Variants in NEO1 observed in about 807,000 individuals in gnomAD.
NEO1 encodes neogenin 1.
Under a neutral mutation model 159.7 loss-of-function variants are expected in NEO1, and 63 were observed. The observed-to-expected ratio is 0.39, with a 90% CI of 0.32 to 0.49. NEO1 has a LOEUF of 0.49. NEO1 is among the 20% of genes least tolerant of loss of function. The pLI is 0.85. For synonymous variants in NEO1, 633 were observed against 662.0 expected, an observed-to-expected ratio of 0.96 and a Z score of 0.67; for missense variants, 1,615 against 1,831.0, an observed-to-expected ratio of 0.88 and a Z score of 2.15.
chr15:73,202,328 T>G (rs1377297365), intron 7 of NEO1, among the ~76,000 whole-genome samples: 1 of 152,136 alleles, frequency 6.6e-6, no homozygotes, highest in Non-Finnish European at 1.5e-5. Context: ...TAAACTATAA[T>G]CACTAATACA....
chr15:73,127,014 G>A (rs2030352313), intron 4 of NEO1, among the ~76,000 whole-genome samples: 1 of 152,082 alleles, frequency 6.6e-6, no homozygotes, highest in Non-Finnish European at 1.5e-5. Flanking sequence ...GGCAGATCAC[G>A]AGGTCAGGAG....
In NEO1 at chr15:73,266,521, T is replaced by C. The variant is rs567029706; in HGVS notation, c.2494+110T>C. On this transcript the variant is annotated intron_variant, in intron 16 of 28. Coordinates refer to ENST00000261908, the MANE Select transcript of NEO1 (RefSeq NM_002499.4). ...TTAGGGAAGAAAAAGCATATGGCAGTTTCGGGTGCTGACTTCAAATGGGAA... is the reference window on the plus strand; with the variant it reads ...TTAGGGAAGAAAAAGCATATGGCAGCTTCGGGTGCTGACTTCAAATGGGAA... 8.0e-5 allele frequency: 54 copies of C among 677,280 alleles called. No individual in the cohort carries two copies. The African/African-American group carries it at 9.5e-4, about 12-fold the overall frequency. The allele number at this position is 677,280 out of a possible 1,614,324, so 42.0% of individuals were successfully genotyped here.
chr15:73,168,381 G>GA (rs1491174800), intron 5 of NEO1, among the ~76,000 whole-genome samples: 4 of 28,268 alleles, frequency 1.4e-4, no homozygotes, highest in Non-Finnish European at 2.9e-4. Context: ...ACGGGGGGTG[G>GA]GGGGGGGGGG....
In NEO1 at chr15:73,289,224, C is replaced by A. The variant is rs372650930; in HGVS notation, c.3728C>A (p.Ser1243Tyr). 1 of 1,614,040 alleles carries A rather than the reference C, an allele frequency of 6.2e-7. No individual in the cohort carries two copies. Among genetic ancestry groups the A allele is most frequent in the African/African-American group, 1.3e-5 (1 of 75,030 alleles). ...CCAAAAATGATGATGCCCTTTGACT[C>A]CCAGCCACCCCAGCGTAAGTAGAAG... ...MRPKMMMPFD[S>Y]QPPQPVISAH... The change falls in exon 25 of 29, where the codon TCC becomes TAC. Residue 1243 changes from serine to tyrosine, a missense_variant. Coordinates refer to ENST00000261908, the MANE Select transcript of NEO1 (RefSeq NM_002499.4).
At chr15:73,192,234 G>A (rs1246194167) in intron 7 of NEO1, among the ~76,000 whole-genome samples, 1 of 151,976 alleles carries the variant, frequency 6.6e-6, no homozygotes, top group African/African-American at 2.4e-5. Context: ...GCCTATGCGT[G>A]TGTGTTTTAC....
At position 73,262,515 on chromosome 15, in the gene NEO1, C is replaced by T. The variant is rs141975430; in HGVS notation, c.2398+2050C>T. Among the ~76,000 whole-genome samples the T allele has an allele frequency of 1.4e-3, 208 of 152,232 alleles. 1 individual carries two copies. The highest frequency in any genetic ancestry group is 4.5e-3 in the African/African-American group (189 of 41,548). ...AACCATATGAAAAGATGCTCGGCAA[C>T]ATTAATCATCAGAAAATGCAAATTA... is the stretch of plus-strand genomic sequence containing the variant. On this transcript the variant is annotated intron_variant, in intron 15 of 28. Transcript: ENST00000261908.
At chr15:73,284,836 C>T (rs1369042318) in intron 23 of NEO1, among the ~76,000 whole-genome samples, 1 of 152,104 alleles carries the variant, frequency 6.6e-6, no homozygotes. Flanking sequence ...GATCCGCCCG[C>T]CTCGGCTTCC....
intron 7 of NEO1, among the ~76,000 whole-genome samples, chr15:73,230,423 A>G (rs2038842882): frequency 6.6e-6 from 1 of 151,980 alleles, no homozygotes; most frequent in Non-Finnish European, 1.5e-5. Flanking sequence ...TGATTTGAGT[A>G]ACTTGTGTCT....
At chr15:73,144,104 G>A (rs1195488505) in intron 5 of NEO1, among the ~76,000 whole-genome samples, 1 of 152,116 alleles carries the variant, frequency 6.6e-6, no homozygotes, top group East Asian at 1.9e-4. Context: ...GTTTTCCTTT[G>A]CACTTTGTTT....
chr15:73,295,386 C>T (rs2042323618), intron 26 of NEO1, among the ~76,000 whole-genome samples: 1 of 151,728 alleles, frequency 6.6e-6, no homozygotes, highest in African/African-American at 2.4e-5. Context: ...ATCTCACATG[C>T]TAGGATGTGG....
rs547473196 is a variant in NEO1, at chr15:73,296,820, C to T, written c.3902-1528C>T. 2.0e-4 allele frequency among the ~76,000 whole-genome samples: 30 copies of T among 152,246 alleles called. 1 individual carries two copies. In the South Asian group the frequency reaches 6.0e-3, roughly 31 times the overall value. ...GGCTGGACTAAGGGATGAGGCACAT[C>T]CCCAGTGGAATGGCGTAAGATTTCA... On this transcript the variant is annotated intron_variant, in intron 26 of 28. Coordinates refer to ENST00000261908, the MANE Select transcript of NEO1 (RefSeq NM_002499.4).
In NEO1 at chr15:73,116,748, T is replaced by A. The variant is rs561531859; in HGVS notation, c.339T>A (p.Asn113Lys). 3.1e-6 allele frequency: 5 copies of A among 1,614,068 alleles called. No individual in the cohort carries two copies. In the South Asian group the frequency reaches 5.5e-5, roughly 18 times the overall value. Residue 113 changes from asparagine (N) to lysine (K), a missense_variant, in exon 2 of 29, where the codon AAT becomes AAA. Coordinates refer to ENST00000261908, the MANE Select transcript of NEO1 (RefSeq NM_002499.4). ...LLPDGSLFISNVVHSKHNKPD... is the reference protein window; with the variant it reads ...LLPDGSLFISKVVHSKHNKPD... ...CGGATGGATCTTTATTTATCAGCAA[T>A]GTGGTGCATTCCAAACACAATAAAC... is the stretch of plus-strand genomic sequence containing the variant.
chr15:73,302,530 A>C, intron 28 of NEO1, 83 bp from the exon 29 acceptor site: 1 of 1,281,204 alleles, frequency 7.8e-7, no homozygotes, highest in Non-Finnish European at 1.1e-6. Context: ...TACTGACCAC[A>C]TGAGGCTTTG....
chr15:73,190,017 C>T (rs1283798296), intron 7 of NEO1, among the ~76,000 whole-genome samples: 2 of 151,952 alleles, frequency 1.3e-5, no homozygotes, highest in South Asian at 2.1e-4. Context: ...TTTTTATTTG[C>T]TGCCATTTCA....
At chr15:73,161,710 A>G (rs2034191551) in intron 5 of NEO1, 1 of 187,070 alleles carries the variant, frequency 5.3e-6, no homozygotes, top group Non-Finnish European at 1.1e-5. Flanking sequence ...GGACAACTGT[A>G]TATCAAATGT....
intron 7 of NEO1, among the ~76,000 whole-genome samples, chr15:73,213,524 G>T (rs1359730509): frequency 6.6e-6 from 1 of 152,120 alleles, no homozygotes; most frequent in Non-Finnish European, 1.5e-5. Context: ...TTGATGTTTG[G>T]TTTTCCATTC....
rs2041101504 is a variant in NEO1, at chr15:73,270,051, A to G, written c.2536A>G (p.Thr846Ala). Residue 846 changes from threonine to alanine, a missense_variant, in exon 17 of 29, where the codon ACT becomes GCT. By Grantham distance (58) the Thr-to-Ala change is moderately conservative (BLOSUM62 0). Around this residue, in one of 3 missense-constraint regions of NEO1, gnomAD observed 1,018 missense variants for 1,115.4 expected, o/e 0.91. Transcript: ENST00000261908. ...TTTATTTGTTATTAATGCTCCATAC[A>G]CTCCAGTGCCAGATCCCACTCCCAT... is the stretch of plus-strand genomic sequence containing the variant. ...VDLFVINAPY[T>A]PVPDPTPMMP... 2 of 1,613,710 alleles carry G rather than the reference A, an allele frequency of 1.2e-6. No individual in the cohort carries two copies. The highest frequency in any genetic ancestry group is 1.3e-5 in the African/African-American group (1 of 74,784).
chr15:73,058,942 G>A (rs2067849049), intron 1 of NEO1, among the ~76,000 whole-genome samples: 1 of 152,242 alleles, frequency 6.6e-6, no homozygotes, highest in Admixed American at 6.5e-5. Context: ...ATTCGCTAAA[G>A]CTCAGGTTAT....
intron 1 of NEO1, among the ~76,000 whole-genome samples, chr15:73,105,988 A>C (rs2151540132): frequency 6.6e-6 from 1 of 152,308 alleles, no homozygotes; most frequent in African/African-American, 2.4e-5. Flanking sequence ...TGGTTTTAGC[A>C]TTCATCAGTA....
Sources: allele counts gnomAD v4.1 joint callset (sites outside exome capture counted in the v4.1 genomes callset), GRCh38; gene constraint gnomAD v4.1.1; regional missense constraint gnomAD v4.1.1; transcripts MANE v1.5; gene names NCBI Gene and HGNC (gene_info 2026-07-23, HGNC 2026-07-21).